The following PKIB variants were observed in gnomAD, a reference collection of about 807,000 sequenced individuals.
PKIB encodes the protein cAMP-dependent protein kinase inhibitor beta, also known as PKI-beta.
PKIB carries 2 observed loss-of-function variants against 4.5 expected under a neutral mutation model. The ratio of observed to expected loss-of-function variants is 0.44; its 90% CI spans 0.18 to 1.39. The LOEUF is 1.39. Ranked by LOEUF, PKIB falls within the 40% of genes most tolerant of loss-of-function variation. The pLI is 0.27. For synonymous variants in PKIB, 38 were observed against 36.0 expected (o/e 1.06, Z -0.20); for missense variants, 94 against 92.6 (o/e 1.02, Z -0.06).
At chr6:122,666,951 T>TA (rs1491485458) in intron 2 of PKIB, among the ~76,000 whole-genome samples, 3 of 131,350 alleles carry the variant, frequency 2.3e-5, no homozygotes, top group Non-Finnish European at 3.3e-5. Flanking sequence ...GGTACTAATA[T>TA]TTTTTTTTTT....
At chr6:122,556,566 A>C (rs1343311242) in intron 2 of PKIB, among the ~76,000 whole-genome samples, 2 of 152,188 alleles carry the variant, frequency 1.3e-5, no homozygotes, top group Non-Finnish European at 2.9e-5. Flanking sequence ...GCTCCCATAC[A>C]AGCTGCTCTA....
At chr6:122,491,503 C>T (rs896504403) in intron 2 of PKIB, among the ~76,000 whole-genome samples, 15 of 152,128 alleles carry the variant, frequency 9.9e-5, no homozygotes, top group African/African-American at 1.7e-4. Flanking sequence ...CTCTCCTCCC[C>T]CGCTCATGCC....
chr6:122,714,618 A>G (rs1365878607), intron 3 of PKIB, among the ~76,000 whole-genome samples: 1 of 152,070 alleles, frequency 6.6e-6, no homozygotes, highest in Non-Finnish European at 1.5e-5. Flanking sequence ...CTGACGGCCC[A>G]CTCCAAGGGC....
At chr6:122,630,059 A>C (rs771412842) in intron 1 of PKIB, among the ~76,000 whole-genome samples, 2 of 152,194 alleles carry the variant, frequency 1.3e-5, no homozygotes, top group African/African-American at 2.4e-5. Context: ...CTGGGTATGG[A>C]ACAGTATAAG....
At chr6:122,592,019 CT>C (rs35270462) in intron 3 of PKIB, among the ~76,000 whole-genome samples, 542 of 142,422 alleles carry the variant, frequency 3.8e-3, no homozygotes, top group Non-Finnish European at 3.9e-3. Context: ...TCTCTTTTCC[CT>C]TTTTTTTTTT....
intron 2 of PKIB, among the ~76,000 whole-genome samples, chr6:122,484,785 A>G (rs1158447770): frequency 6.6e-6 from 1 of 152,190 alleles, no homozygotes; most frequent in African/African-American, 2.4e-5. Context: ...GTTAAAGCAA[A>G]CTAAATATGG....
At chr6:122,711,225 G>A (rs1338879388) in intron 3 of PKIB, among the ~76,000 whole-genome samples, 1 of 152,044 alleles carries the variant, frequency 6.6e-6, no homozygotes, top group Non-Finnish European at 1.5e-5. Flanking sequence ...TTTTTAGAAA[G>A]ACTTTTTCAT....
chr6:122,477,332 G>A (rs1244539248), intron 1 of PKIB, among the ~76,000 whole-genome samples: 2 of 152,126 alleles, frequency 1.3e-5, no homozygotes, highest in Non-Finnish European at 2.9e-5. Flanking sequence ...CTTTGTATAA[G>A]TTATTTAGAT....
intron 2 of PKIB, among the ~76,000 whole-genome samples, chr6:122,658,118 T>A (rs1395404448): frequency 6.6e-6 from 1 of 152,176 alleles, no homozygotes; most frequent in African/African-American, 2.4e-5. Context: ...AAATATTATG[T>A]ACTTTTAATC....
intron 3 of PKIB, among the ~76,000 whole-genome samples, chr6:122,692,469 A>G (rs2115003697): frequency 6.6e-6 from 1 of 152,080 alleles, no homozygotes. Context: ...TGTGGCCACC[A>G]CCACAGCCCC....
chr6:122,535,751 A>G (rs891752851), intron 2 of PKIB, among the ~76,000 whole-genome samples: 2 of 152,164 alleles, frequency 1.3e-5, no homozygotes, highest in African/African-American at 4.8e-5. Flanking sequence ...ACTCTGAGAA[A>G]GTTTCTTAAA....
At chr6:122,554,360 TATTTGGTTTAGAC>T (rs1429827037) in intron 2 of PKIB, among the ~76,000 whole-genome samples, 1 of 152,240 alleles carries the variant, frequency 6.6e-6, no homozygotes, top group African/African-American at 2.4e-5. Context: ...ATTAGCTTTC[TATTTGGTTTAGAC>T]ATTATGCAGT....
chr6:122,546,137 A>G (rs1340119971), intron 2 of PKIB, among the ~76,000 whole-genome samples: 1 of 152,076 alleles, frequency 6.6e-6, no homozygotes, highest in Non-Finnish European at 1.5e-5. Context: ...AGCTGTTTTA[A>G]GCTGCACAGT....
chr6:122,673,269 AC>A (rs1777538027), intron 2 of PKIB, among the ~76,000 whole-genome samples: 3 of 152,216 alleles, frequency 2.0e-5, no homozygotes, highest in Admixed American at 6.5e-5. Flanking sequence ...TATCTAACAG[AC>A]TTTAAACTAG....
chr6:122,538,659 C>T (rs928847549), intron 2 of PKIB, among the ~76,000 whole-genome samples: 2 of 151,978 alleles, frequency 1.3e-5, no homozygotes, highest in Non-Finnish European at 2.9e-5. Context: ...CTTGGCAATG[C>T]AGGCTCTTTT....
intron 3 of PKIB, among the ~76,000 whole-genome samples, chr6:122,675,537 T>G (rs1054601821): frequency 3.3e-5 from 5 of 152,314 alleles, no homozygotes; most frequent in Non-Finnish European, 5.9e-5. Context: ...TAGTATTCTG[T>G]TAAAAGTTAA....
At position 122,645,860 on chromosome 6, in the gene PKIB, G is replaced by A. The variant is rs114813032; in HGVS notation, c.-76+12493G>A. Among the ~76,000 whole-genome samples, 854 of 152,310 alleles carry A rather than the reference G, an allele frequency of 5.6e-3. 9 individuals carry two copies. The highest frequency in any genetic ancestry group is 0.018 in the African/African-American group (747 of 41,566). On this transcript the variant is annotated intron_variant, in intron 2 of 4. Transcript: ENST00000368452. ...CATATTCCTTAGTGCAGACTCATGT[G>A]ATGGTCACCTTTTGAAAACTGAAAA...
chr6:122,691,074 T>A (rs1027397887), intron 3 of PKIB, among the ~76,000 whole-genome samples: 5 of 151,960 alleles, frequency 3.3e-5, no homozygotes, highest in African/African-American at 1.2e-4. Context: ...TGCTCCATTA[T>A]ATGTTATTTG....
chr6:122,522,922 A>G (rs997233306), intron 2 of PKIB, among the ~76,000 whole-genome samples: 10 of 152,320 alleles, frequency 6.6e-5, no homozygotes, highest in South Asian at 4.1e-4. Context: ...AGAGAACTTC[A>G]TTAATTGAAT....
Sources: allele counts gnomAD v4.1 joint callset (sites outside exome capture counted in the v4.1 genomes callset), GRCh38; gene constraint gnomAD v4.1.1; transcripts MANE v1.5; gene names NCBI Gene and HGNC (gene_info 2026-07-23, HGNC 2026-07-21).